GRIK4: variants seen among roughly 807,000 people sequenced by gnomAD.
The protein encoded by GRIK4 is glutamate receptor ionotropic, kainate 4.
Under a neutral mutation model 104.9 loss-of-function variants are expected in GRIK4, and 40 were observed. The ratio of observed to expected loss-of-function variants is 0.38; its 90% CI spans 0.30 to 0.50. The LOEUF is 0.50. GRIK4 is among the 20% of genes least tolerant of loss of function. The pLI is 0.93. For missense variants in GRIK4, 1,047 were observed against 1,308.1 expected (o/e 0.80, Z 3.08); for synonymous variants, 485 against 524.9 (o/e 0.92, Z 1.04).
chr11:120,914,217 G>A (rs1262491283), intron 13 of GRIK4, among the ~76,000 whole-genome samples: 1 of 152,206 alleles, frequency 6.6e-6, no homozygotes, highest in African/African-American at 2.4e-5. Context: ...TCAAAGAGAC[G>A]GACAGGTAAA....
chr11:120,695,119 C>T (rs1365641187), intron 3 of GRIK4, among the ~76,000 whole-genome samples: 1 of 152,224 alleles, frequency 6.6e-6, no homozygotes, highest in Non-Finnish European at 1.5e-5. Context: ...AGGGATGCCC[C>T]CAGCCCTCTC....
chr11:120,970,189 C>T lies in GRIK4; in HGVS notation c.2395+2866C>T, dbSNP rs932743045. ...TTGGAGTTATTTCCCAAATAGCCTT[C>T]GCACCAGGAGCTGTCCGCTCACACT... On this transcript the variant is annotated intron_variant, in intron 19 of 20. Coordinates refer to ENST00000527524, the MANE Select transcript of GRIK4 (RefSeq NM_014619.5). Among the ~76,000 whole-genome samples, 6 of 152,168 alleles carry T rather than the reference C, an allele frequency of 3.9e-5. No homozygotes were observed. The East Asian group carries it at 5.8e-4, about 15-fold the overall frequency.
intron 8 of GRIK4, among the ~76,000 whole-genome samples, chr11:120,854,135 T>G (rs1400203876): frequency 6.6e-6 from 1 of 152,342 alleles, no homozygotes; most frequent in Non-Finnish European, 1.5e-5. Context: ...GCAGTTGATG[T>G]TATTATACTC....
chr11:120,620,236 C>T (rs537727618), intron 1 of GRIK4: 119 of 769,026 alleles, frequency 1.5e-4, no homozygotes, highest in South Asian at 1.5e-3. Flanking sequence ...AGGGCCTTCA[C>T]AGCCACCCTA....
At chr11:120,849,044 C>T (rs1027505354) in intron 8 of GRIK4, among the ~76,000 whole-genome samples, 21 of 152,138 alleles carry the variant, frequency 1.4e-4, no homozygotes, top group African/African-American at 5.1e-4. Flanking sequence ...TGATGTTTGA[C>T]AAATAGCATG....
intron 8 of GRIK4, among the ~76,000 whole-genome samples, chr11:120,844,834 G>A (rs150377988): frequency 8.5e-5 from 13 of 152,202 alleles, no homozygotes; most frequent in Admixed American, 8.5e-4. Flanking sequence ...GGGTTCTGCT[G>A]AGTGAGAGTG....
chr11:120,621,649 G>A (rs911500963), intron 1 of GRIK4, among the ~76,000 whole-genome samples: 1 of 152,110 alleles, frequency 6.6e-6, no homozygotes, highest in African/African-American at 2.4e-5. Context: ...TTCCAAGATG[G>A]AGTCTAGTCT....
intron 3 of GRIK4, among the ~76,000 whole-genome samples, chr11:120,741,137 C>T (rs188514111): frequency 1.3e-5 from 2 of 152,216 alleles, no homozygotes; most frequent in East Asian, 3.9e-4. Context: ...TCTTTCTGAG[C>T]CCCTGCATGC....
chr11:120,940,324 C>T lies in GRIK4; in HGVS notation c.1477-23C>T, dbSNP rs753784649. 43 of 1,488,454 alleles carry T rather than the reference C, an allele frequency of 2.9e-5. No individual in the cohort carries two copies. The highest frequency in any genetic ancestry group is 2.2e-4 in the African/African-American group (16 of 72,244). The allele number at this position is 1,488,454 out of a possible 1,614,324, so 92.2% of individuals were successfully genotyped here. On this transcript the variant is annotated intron_variant, in intron 13 of 20. Coordinates refer to ENST00000527524, the MANE Select transcript of GRIK4 (RefSeq NM_014619.5). The surrounding 1 kb of genome is among the most constrained non-coding windows in gnomAD (Gnocchi z 4.3). ...TCTTCTCCTATGGCCACCCCACTGA[C>T]GGGCTGTCTCTGTTCTTTTCAGAAA...
At chr11:120,523,691 G>T (rs1338097604) in intron 1 of GRIK4, among the ~76,000 whole-genome samples, 2 of 152,122 alleles carry the variant, frequency 1.3e-5, no homozygotes, top group African/African-American at 4.8e-5. Context: ...GTGTTGCCCG[G>T]GTCTGCCTTC....
At chr11:120,816,460 G>A (rs1952962632) in intron 5 of GRIK4, among the ~76,000 whole-genome samples, 2 of 152,144 alleles carry the variant, frequency 1.3e-5, no homozygotes, top group African/African-American at 2.4e-5. Flanking sequence ...TGCCCTAGAG[G>A]CCTGGAGGCT....
chr11:120,770,655 C>T (rs1361722658), intron 3 of GRIK4, among the ~76,000 whole-genome samples: 1 of 152,182 alleles, frequency 6.6e-6, no homozygotes, highest in Non-Finnish European at 1.5e-5. Flanking sequence ...TGGGGAAGTG[C>T]CATGGTCTCA....
At chr11:120,965,649 T>C (rs1273972776) in intron 18 of GRIK4, among the ~76,000 whole-genome samples, 1 of 152,202 alleles carries the variant, frequency 6.6e-6, no homozygotes, top group African/African-American at 2.4e-5. Flanking sequence ...GGTTCTACTG[T>C]GGAGCTGTGG....
chr11:120,657,193 C>T (rs533621321), intron 2 of GRIK4, among the ~76,000 whole-genome samples: 1 of 152,230 alleles, frequency 6.6e-6, no homozygotes, highest in East Asian at 1.9e-4. Flanking sequence ...TGTTCTAGGC[C>T]CTGGGGATAT....
rs529300811 is a variant in GRIK4, at chr11:120,939,771, G to A, written c.1477-576G>A. 6.6e-6 allele frequency among the ~76,000 whole-genome samples: 1 copy of A among 152,302 alleles called. No individual in the cohort carries two copies. Among genetic ancestry groups the A allele is most frequent in the South Asian group, 2.1e-4 (1 of 4,822 alleles). On this transcript the variant is annotated intron_variant, in intron 13 of 20. Transcript: ENST00000527524. This position sits in a 1 kb window ranked among gnomAD's most constrained non-coding sequence, Gnocchi z 5.6. ...CCAGGGCGGGCAGATCACGGGGTCA[G>A]GAGTTTGAGACCAGCCTGGCCAGCA...
intron 3 of GRIK4, among the ~76,000 whole-genome samples, chr11:120,664,781 T>C (rs1949879757): frequency 6.6e-6 from 1 of 152,178 alleles, no homozygotes; most frequent in South Asian, 2.1e-4. Flanking sequence ...AAGCATTTCT[T>C]AAAGGGCACA....
chr11:120,905,175 T>G lies in GRIK4; in HGVS notation c.1273-115T>G. On this transcript the variant is annotated intron_variant, in intron 12 of 20. Transcript: ENST00000527524. This position sits in a 1 kb window ranked among gnomAD's most constrained non-coding sequence, Gnocchi z 5.1. ...AAAGTAGCCCATTACCCACGTCAGT[T>G]TCCTCCTTCTGCCCCATGTCCTCCC... The G allele has an allele frequency of 1.3e-6, 1 of 766,396 alleles. No individual in the cohort carries two copies. Among genetic ancestry groups the G allele is most frequent in the Non-Finnish European group, 2.3e-6 (1 of 430,740 alleles). The allele number at this position is 766,396 out of a possible 1,614,324, so 47.5% of individuals were successfully genotyped here. A position where few individuals can be genotyped will look rare whatever the true frequency, so the allele number is the denominator to read the frequency against.
At position 120,739,066 on chromosome 11, in the gene GRIK4, C is replaced by G. The variant is rs574047736; in HGVS notation, c.83-63627C>G. On this transcript the variant is annotated intron_variant, in intron 3 of 20. Transcript: ENST00000527524. Reference sequence around the variant, plus strand: ...GAGCAGCCTGGCAATATAAAAAGAGCATTTGTAGCCCTTGGTCCACACCAG... The same window carrying G: ...GAGCAGCCTGGCAATATAAAAAGAGGATTTGTAGCCCTTGGTCCACACCAG... Among the ~76,000 whole-genome samples, 94 of 152,312 alleles carry G rather than the reference C, an allele frequency of 6.2e-4. No homozygotes were observed. In the South Asian group the frequency reaches 0.019, roughly 31 times the overall value.
intron 13 of GRIK4, among the ~76,000 whole-genome samples, chr11:120,925,973 C>CA (rs34815296): frequency 0.076 from 9,162 of 119,986 alleles, 887 homozygotes; most frequent in African/African-American, 0.26. Context: ...GACTCCATCT[C>CA]AAAAAAAAAA....
Sources: allele counts gnomAD v4.1 joint callset (sites outside exome capture counted in the v4.1 genomes callset), GRCh38; gene constraint gnomAD v4.1.1; non-coding constraint Gnocchi (gnomAD v3.1); transcripts MANE v1.5; gene names NCBI Gene and HGNC (gene_info 2026-07-23, HGNC 2026-07-21).